The following OR52I2 variants were observed in gnomAD, a reference collection of about 807,000 sequenced individuals.
OR52I2 encodes the protein olfactory receptor family 52 subfamily I member 2, also known as olfactory receptor 52I2.
For missense variants in OR52I2, 350 were observed against 402.4 expected, an observed-to-expected ratio of 0.87 and a Z score of 1.11; for synonymous variants, 147 against 151.9, an observed-to-expected ratio of 0.97 and a Z score of 0.24.
chr11:4,586,959 A>G (rs1240494523), exon 2 of OR52I2: 1 of 1,614,136 alleles, frequency 6.2e-7, no homozygotes, highest in South Asian at 1.1e-5. Flanking sequence ...GTATCCCAGG[A>G]CTGCAATCTT....
exon 2 of OR52I2, chr11:4,588,338 A>T (rs1174051722): frequency 2.5e-5 from 4 of 161,484 alleles, no homozygotes; most frequent in African/African-American, 9.6e-5. Flanking sequence ...GCCATTAAAA[A>T]GAAAAACACT....
chr11:4,587,913 T>A, exon 2 of OR52I2: 1 of 1,470,590 alleles, frequency 6.8e-7, no homozygotes, highest in Non-Finnish European at 9.4e-7. Context: ...GCCTTAGAGA[T>A]CTGCAGAGCT....
chr11:4,592,249 G>A (rs1442902656), exon 2 of OR52I2: 1 of 152,148 alleles, frequency 6.6e-6, no homozygotes, highest in Non-Finnish European at 1.5e-5. Context: ...TCTCTGTGAA[G>A]TATTATTAAC....
chr11:4,591,558 T>C (rs1325468655), exon 2 of OR52I2: 1 of 152,224 alleles, frequency 6.6e-6, no homozygotes, highest in East Asian at 1.9e-4. Flanking sequence ...GGAGATCAAT[T>C]GTATTTAATA....
At chr11:4,590,858 C>T (rs2133189871) in exon 2 of OR52I2, 1 of 152,320 alleles carries the variant, frequency 6.6e-6, no homozygotes, top group South Asian at 2.1e-4. Flanking sequence ...AGCTACACAG[C>T]AAGGTTTTTA....
chr11:4,587,878 T>C lies in OR52I2; in HGVS notation c.*13T>C, dbSNP rs769911356. 1.1e-5 allele frequency: 18 copies of C among 1,602,914 alleles called. No individual in the cohort carries two copies. In the East Asian group the frequency reaches 3.3e-4, roughly 30 times the overall value. The stretch of plus-strand genomic sequence containing the variant: ...CCTGGGTTCATGAACACAATATCTG[T>C]TCAGATCCAGCCAATTTCAAAGATG... On this transcript the variant is annotated 3_prime_UTR_variant, in exon 2 of 2. Transcript: ENST00000641896.
At chr11:4,583,517 C>A (rs576361043) in intron 1 of OR52I2, among the ~76,000 whole-genome samples, 5,722 of 152,282 alleles carry the variant, frequency 0.038, 139 homozygotes, top group Non-Finnish European at 0.061. Flanking sequence ...GCATTCAGAA[C>A]ACATGCGGCA....
chr11:4,588,509 T>C (rs1253436743), exon 2 of OR52I2: 1 of 153,024 alleles, frequency 6.5e-6, no homozygotes, highest in Non-Finnish European at 1.5e-5. Context: ...CTCTACTGCC[T>C]CTGGTTTATC....
intron 1 of OR52I2, among the ~76,000 whole-genome samples, chr11:4,582,273 G>A (rs1846263002): frequency 6.6e-6 from 1 of 152,134 alleles, no homozygotes; most frequent in Admixed American, 6.5e-5. Context: ...CTACTCAAAT[G>A]AGTTATGCAT....
exon 2 of OR52I2, chr11:4,593,080 C>T (rs901895640): frequency 1.6e-4 from 24 of 152,204 alleles, no homozygotes; most frequent in African/African-American, 5.6e-4. Context: ...GAAATACACT[C>T]AGATTATGAA....
At chr11:4,585,313 C>T (rs1191171982) in intron 1 of OR52I2, among the ~76,000 whole-genome samples, 2 of 152,126 alleles carry the variant, frequency 1.3e-5, no homozygotes, top group Non-Finnish European at 2.9e-5. Context: ...TGAAGAAGAT[C>T]AGCCAATGTC....
At chr11:4,591,911 G>C (rs1846353052) in exon 2 of OR52I2, 1 of 152,182 alleles carries the variant, frequency 6.6e-6, no homozygotes, top group Non-Finnish European at 1.5e-5. Flanking sequence ...ACCTATAATG[G>C]AACAGATAGT....
exon 2 of OR52I2, chr11:4,591,249 A>T (rs973225203): frequency 6.6e-6 from 1 of 152,240 alleles, no homozygotes; most frequent in Non-Finnish European, 1.5e-5. Context: ...GAGGAGCCAG[A>T]ACCCTGACAA....
intron 1 of OR52I2, 50 bp from the exon 2 acceptor site, chr11:4,586,822 C>A (rs1028183841): frequency 1.2e-6 from 2 of 1,612,866 alleles, no homozygotes; most frequent in Admixed American, 3.3e-5. Context: ...CATGTGTCAA[C>A]AAATCTTACG....
exon 2 of OR52I2, chr11:4,591,841 G>A (rs570924648): frequency 2.0e-5 from 3 of 151,856 alleles, no homozygotes; most frequent in East Asian, 3.9e-4. Flanking sequence ...TTTTTCACAA[G>A]TGTGATGAAG....
At chr11:4,586,334 T>G (rs1453370357) in intron 1 of OR52I2, among the ~76,000 whole-genome samples, 3 of 152,198 alleles carry the variant, frequency 2.0e-5, no homozygotes, top group Non-Finnish European at 1.5e-5. Flanking sequence ...TTTTTGTTCA[T>G]ATAACAACTA....
Position 4,587,718 on chromosome 11 carries a change from C to A in OR52I2, c.828C>A (p.His276Gln), listed in dbSNP as rs189913906. 320 of 1,614,192 alleles carry A rather than the reference C, an allele frequency of 2.0e-4. No individual in the cohort carries two copies. In the East Asian group the frequency reaches 6.0e-3, roughly 30 times the overall value. Residue 276 changes from histidine (H) to glutamine (Q), a missense_variant, in exon 2 of 2, where the codon CAC becomes CAA. Physicochemically the swap from His to Gln is conservative, Grantham distance 24. Transcript: ENST00000641896. ...TGGGGCAGGATGTAGTGCCCTTGCA[C>A]ACCCAAGTCCTGCTAGCTGACCTGT...
exon 2 of OR52I2, chr11:4,590,742 A>G (rs898551847): frequency 6.6e-6 from 1 of 152,178 alleles, no homozygotes; most frequent in Admixed American, 6.5e-5. Flanking sequence ...CACATGCGGC[A>G]ATCTCAAGCA....
At chr11:4,582,513 C>T (rs189279284) in intron 1 of OR52I2, among the ~76,000 whole-genome samples, 2 of 135,940 alleles carry the variant, frequency 1.5e-5, no homozygotes, top group Admixed American at 1.7e-4. Flanking sequence ...GATCTTGGCT[C>T]ACTGCAGCCT....
Sources: gnomAD v4.1 joint callset for allele counts (sites outside exome capture counted in the v4.1 genomes callset) on GRCh38, gnomAD v4.1.1 for gene constraint, MANE v1.5 for transcripts, NCBI Gene and HGNC (gene_info 2026-07-23, HGNC 2026-07-21) for gene names.